Variants in SMYD3 observed in about 807,000 individuals in gnomAD.
The protein encoded by SMYD3 is SET and MYND domain containing 3, also known as histone-lysine N-methyltransferase SMYD3.
In SMYD3, 36 loss-of-function variants were observed where a neutral mutation model predicts 57.7. The ratio of observed to expected loss-of-function variants is 0.62; its 90% CI spans 0.48 to 0.82. The LOEUF is 0.82. SMYD3 is among the 40% of genes least tolerant of loss of function. The probability of loss-of-function intolerance (pLI) is 0.00; values close to 1 mark genes in which losing one functional copy is unlikely to be tolerated. For missense variants in SMYD3, 515 were observed against 538.8 expected, an observed-to-expected ratio of 0.96 and a Z score of 0.44; for synonymous variants, 211 against 195.0, an observed-to-expected ratio of 1.08 and a Z score of -0.68.
At chr1:246,462,654 G>A (rs1344382841) in intron 1 of SMYD3, among the ~76,000 whole-genome samples, 1 of 152,034 alleles carries the variant, frequency 6.6e-6, no homozygotes, top group Non-Finnish European at 1.5e-5. Context: ...CTGAGAGAAG[G>A]GTCAGAACTG....
chr1:245,999,530 C>A (rs1453355311), intron 5 of SMYD3, among the ~76,000 whole-genome samples: 1 of 151,884 alleles, frequency 6.6e-6, no homozygotes, highest in Non-Finnish European at 1.5e-5. Flanking sequence ...AAACTCTTGA[C>A]CTGGAATCTA....
chr1:246,062,504 G>C lies in SMYD3; in HGVS notation c.532-132567C>G, dbSNP rs146465843. 3.2e-3 allele frequency among the ~76,000 whole-genome samples: 480 copies of C among 152,300 alleles called. No homozygotes were observed. In the Middle Eastern group the frequency reaches 0.068, roughly 22 times the overall value. On this transcript the variant is annotated intron_variant, in intron 5 of 11. Transcript: ENST00000490107. The stretch of plus-strand genomic sequence containing the variant: ...CTAGTGATGATGAACCTAATATGTG[G>C]TGTGTCTGTTTTGGATTACAATTTT...
chr1:246,320,147 T>TA (rs974988052), intron 5 of SMYD3, among the ~76,000 whole-genome samples: 30 of 148,838 alleles, frequency 2.0e-4, no homozygotes, highest in Admixed American at 6.0e-4. Flanking sequence ...TTCTCCAATT[T>TA]AAAAAAAAAA....
intron 5 of SMYD3, among the ~76,000 whole-genome samples, chr1:246,312,869 A>G (rs2148635887): frequency 6.6e-6 from 1 of 152,208 alleles, no homozygotes; most frequent in East Asian, 1.9e-4. Flanking sequence ...CACACCTCAA[A>G]TCTGCATACC....
chr1:246,386,354 G>C (rs2066480650), intron 1 of SMYD3, among the ~76,000 whole-genome samples: 1 of 152,170 alleles, frequency 6.6e-6, no homozygotes, highest in Non-Finnish European at 1.5e-5. Context: ...GTTTTCTACT[G>C]GGTGATATGG....
At chr1:245,971,399 C>A (rs1308418599) in intron 5 of SMYD3, among the ~76,000 whole-genome samples, 7 of 151,836 alleles carry the variant, frequency 4.6e-5, no homozygotes, top group Non-Finnish European at 1.0e-4. Context: ...ACCTATGTAA[C>A]AAAGCTGCAC....
intron 10 of SMYD3, among the ~76,000 whole-genome samples, chr1:245,810,699 G>C (rs2048412142): frequency 6.6e-6 from 1 of 152,170 alleles, no homozygotes; most frequent in African/African-American, 2.4e-5. Flanking sequence ...TGTCTAGCCT[G>C]GGTAAGCCCC....
chr1:245,749,480 AC>A lies in SMYD3; in HGVS notation c.*82del. The A allele has an allele frequency of 1.9e-6, 2 of 1,074,346 alleles. No individual in the cohort carries two copies. Among genetic ancestry groups the A allele is most frequent in the South Asian group, 2.7e-5 (2 of 73,794 alleles). The allele number at this position is 1,074,346 out of a possible 1,614,324, so 66.6% of individuals were successfully genotyped here. A position where few individuals can be genotyped will look rare whatever the true frequency, so the allele number is the denominator to read the frequency against. Reference sequence around the variant, plus strand: ...AGAATTTCCAATAGGAGAGGTTCACACAGCTAACAAAGCATAGAGTGTGTGA... The same window carrying A: ...AGAATTTCCAATAGGAGAGGTTCACAAGCTAACAAAGCATAGAGTGTGTGA... On this transcript the variant is annotated 3_prime_UTR_variant, in exon 12 of 12. Transcript: ENST00000490107.
chr1:246,210,475 C>T (rs2063068020), intron 5 of SMYD3, among the ~76,000 whole-genome samples: 2 of 152,012 alleles, frequency 1.3e-5, no homozygotes, highest in Middle Eastern at 3.4e-3. Flanking sequence ...TTTGGGAGGC[C>T]GAGGTGGGTG....
intron 10 of SMYD3, among the ~76,000 whole-genome samples, chr1:245,848,064 T>C (rs2050753528): frequency 6.6e-6 from 1 of 152,052 alleles, no homozygotes; most frequent in South Asian, 2.1e-4. Context: ...AAGGAAGTTG[T>C]TTATACTGAA....
intron 5 of SMYD3, chr1:246,187,056 A>C: frequency 2.5e-6 from 1 of 402,704 alleles, no homozygotes; most frequent in Non-Finnish European, 3.4e-6. Flanking sequence ...GATGGAGCTC[A>C]ACTCTGACCC....
intron 5 of SMYD3, among the ~76,000 whole-genome samples, chr1:245,936,473 G>T (rs1054308143): frequency 2.0e-5 from 3 of 151,972 alleles, no homozygotes; most frequent in African/African-American, 4.8e-5. Flanking sequence ...TCGAGAAAAA[G>T]AACATAGAAG....
intron 5 of SMYD3, among the ~76,000 whole-genome samples, chr1:245,959,412 C>T (rs2057942385): frequency 6.6e-6 from 1 of 152,202 alleles, no homozygotes; most frequent in African/African-American, 2.4e-5. Flanking sequence ...ACAACAGTAA[C>T]ACAACTATCA....
intron 1 of SMYD3, among the ~76,000 whole-genome samples, chr1:246,369,661 G>A (rs1317376754): frequency 6.6e-6 from 1 of 151,800 alleles, no homozygotes; most frequent in African/African-American, 2.4e-5. Context: ...CAAGTACCTG[G>A]GACCACAGGT....
chr1:246,494,261 T>A lies in SMYD3; in HGVS notation c.164+12793A>T, dbSNP rs149127702. Among the ~76,000 whole-genome samples the A allele has an allele frequency of 1.3e-4, 20 of 152,360 alleles. No individual in the cohort carries two copies. In the East Asian group the frequency reaches 3.7e-3, roughly 28 times the overall value. ...ATCATCTATACAAACAGCACTTCGC[T>A]GCAGTCATAATGGTCTACTAAACAA... On this transcript the variant is annotated intron_variant, in intron 1 of 11. Transcript: ENST00000490107.
At chr1:246,096,051 AT>A (rs1180137855) in intron 5 of SMYD3, among the ~76,000 whole-genome samples, 2 of 152,224 alleles carry the variant, frequency 1.3e-5, no homozygotes, top group East Asian at 3.8e-4. Flanking sequence ...TACATAAAAT[AT>A]TTCCCCCATG....
chr1:246,314,775 C>A (rs1041356791), intron 5 of SMYD3, among the ~76,000 whole-genome samples: 1 of 152,222 alleles, frequency 6.6e-6, no homozygotes. Context: ...CACGGACATA[C>A]AGAATCTCTG....
At chr1:245,824,272 G>A (rs1350925830) in intron 10 of SMYD3, among the ~76,000 whole-genome samples, 1 of 152,248 alleles carries the variant, frequency 6.6e-6, no homozygotes, top group Non-Finnish European at 1.5e-5. Context: ...TGACACGAAG[G>A]AAGAGATGCT....
intron 5 of SMYD3, among the ~76,000 whole-genome samples, chr1:245,961,392 C>T (rs1449403661): frequency 6.6e-6 from 1 of 152,164 alleles, no homozygotes; most frequent in Non-Finnish European, 1.5e-5. Context: ...CTTGTCAGCA[C>T]TTTGAATCTA....
Sources: gnomAD v4.1 joint callset for allele counts (sites outside exome capture counted in the v4.1 genomes callset) on GRCh38, gnomAD v4.1.1 for gene constraint, MANE v1.5 for transcripts, NCBI Gene and HGNC (gene_info 2026-07-23, HGNC 2026-07-21) for gene names.